LMF1: variants seen among roughly 807,000 people sequenced by gnomAD.
LMF1 encodes the protein transmembrane protein 112.
A neutral mutation model predicts 60.6 loss-of-function variants in LMF1; 68 were observed. The observed-to-expected ratio is 1.12, with a 90% CI of 0.92 to 1.37. LMF1 has a LOEUF of 1.37. Among genes scored for constraint, LMF1 ranks in the 40% most tolerant of loss-of-function variants. The pLI is 0.00. For synonymous variants in LMF1, 418 were observed against 324.7 expected (o/e 1.29, Z -3.09); for missense variants, 948 against 767.2 (o/e 1.24, Z -2.78).
At position 953,964 on chromosome 16, in the gene LMF1, GCCTCCTACATGTCCACACA is replaced by G. The variant is rs2072582374; in HGVS notation, c.503+374_503+392del. On this transcript the variant is annotated intron_variant, in intron 2 of 10. Coordinates refer to ENST00000262301, the MANE Select transcript of LMF1 (RefSeq NM_022773.4). ...CCACACAGACACCCACCCCAAACCA[GCCTCCTACATGTCCACACA>G]GACACCCCAAACCAGCCTCCTACAC... Among the ~76,000 whole-genome samples the G allele has an allele frequency of 5.6e-5, 3 of 53,890 alleles. 1 individual carries two copies. The highest frequency in any genetic ancestry group is 1.4e-3 in the East Asian group (1 of 722). 35.4% of individuals were successfully genotyped at this position (53,890 alleles called of 152,430 possible).
At chr16:939,138 A>G (rs533436125) in intron 2 of LMF1, among the ~76,000 whole-genome samples, 1 of 152,368 alleles carries the variant, frequency 6.6e-6, no homozygotes, top group Non-Finnish European at 1.5e-5. Context: ...AGCAAAACCA[A>G]GAAAAATAAC....
chr16:970,855 G>C lies in LMF1; in HGVS notation c.126C>G (p.Ala42=), dbSNP rs977889859. The C allele has an allele frequency of 6.4e-7, 1 of 1,558,308 alleles. No homozygotes were observed. The highest frequency in any genetic ancestry group is 8.7e-7 in the Non-Finnish European group (1 of 1,153,272). Residue 42 remains alanine (A), a synonymous_variant, in exon 1 of 11, where the codon GCC becomes GCG. Transcript: ENST00000262301. ...APGRGPAGSP[A]HLHTGTFWLT... is the part of the protein sequence containing the mutation. ...GCCAGAAGGTGCCCGTGTGGAGATG[G>C]GCCGGAGAGCCTGCGGGGCCACGCC...
At chr16:979,407 C>G (rs1037872466) in intron 1 of LMF1, 1 of 352,726 alleles carries the variant, frequency 2.8e-6, no homozygotes, top group Non-Finnish European at 5.6e-6. Context: ...CTCCCCACCT[C>G]CCCACCCCTC....
chr16:859,098 G>A (rs1422539101), intron 10 of LMF1, among the ~76,000 whole-genome samples: 1 of 128,928 alleles, frequency 7.8e-6, no homozygotes, highest in Admixed American at 7.5e-5. Flanking sequence ...GTCTCGGGAC[G>A]GGTGTGCAGT....
upstream of LMF1, among the ~76,000 whole-genome samples, chr16:974,478 A>G (rs117179754): frequency 2.3e-3 from 353 of 152,280 alleles, 12 homozygotes; most frequent in East Asian, 0.056. Context: ...AGGCTCGGCC[A>G]CCCCAGGGCT....
chr16:875,105 G>C (rs1204570483), intron 6 of LMF1, among the ~76,000 whole-genome samples: 1 of 152,136 alleles, frequency 6.6e-6, no homozygotes, highest in Non-Finnish European at 1.5e-5. Flanking sequence ...TGTGGGGCTG[G>C]AGAGGATGAC....
At chr16:910,538 T>C (rs139591482) in intron 4 of LMF1, among the ~76,000 whole-genome samples, 3 of 152,226 alleles carry the variant, frequency 2.0e-5, no homozygotes, top group Non-Finnish European at 4.4e-5. Context: ...GCGCCCACCA[T>C]GGCCTGAGAC....
chr16:949,352 CAG>C (rs2072367012), intron 2 of LMF1, among the ~76,000 whole-genome samples: 1 of 147,318 alleles, frequency 6.8e-6, no homozygotes, highest in Non-Finnish European at 1.5e-5. Context: ...ACGACAGAGT[CAG>C]AGACAATGAC....
At chr16:943,876 A>T (rs889873226) in intron 2 of LMF1, among the ~76,000 whole-genome samples, 1 of 151,240 alleles carries the variant, frequency 6.6e-6, no homozygotes, top group Non-Finnish European at 1.5e-5. Flanking sequence ...CTGTATAGGG[A>T]TCCTATTTTC....
intron 1 of LMF1, chr16:968,764 T>A (rs1277418847): frequency 6.6e-6 from 1 of 152,230 alleles, no homozygotes; most frequent in African/African-American, 2.4e-5. Flanking sequence ...TTAAAAGCAG[T>A]TCCTTCTGAA....
chr16:940,297 AT>A (rs2072065496), intron 2 of LMF1, among the ~76,000 whole-genome samples: 1 of 152,188 alleles, frequency 6.6e-6, no homozygotes, highest in African/African-American at 2.4e-5. Context: ...GGTCACGGTC[AT>A]GGCTGCAGAA....
At chr16:906,704 C>T (rs1297708070) in intron 4 of LMF1, among the ~76,000 whole-genome samples, 1 of 152,220 alleles carries the variant, frequency 6.6e-6, no homozygotes, top group East Asian at 1.9e-4. Context: ...TCATTACGAT[C>T]ATTTTTCAGT....
rs762154063 is a variant in LMF1 at position 854,649 on chromosome 16, G to C, written c.1587C>G (p.Ala529=). Residue 529 remains alanine, a synonymous_variant, in exon 11 of 11, where the codon GCC becomes GCG. Coordinates refer to ENST00000262301, the MANE Select transcript of LMF1 (RefSeq NM_022773.4). The part of the protein sequence containing the change: ...YKFSRPGGRH[A]AEGKWWVRKR... ...TCCGCACCCACCACTTGCCCTCGGC[G>C]GCGTGCCTGCCCCCAGGACGGCTGA... 6.2e-7 allele frequency: 1 copy of C among 1,605,996 alleles called. No individual in the cohort carries two copies. The highest frequency in any genetic ancestry group is 1.3e-5 in the African/African-American group (1 of 74,960).
At chr16:884,253 C>T (rs1165945783) in intron 5 of LMF1, 4 of 152,124 alleles carry the variant, frequency 2.6e-5, no homozygotes, top group Non-Finnish European at 5.9e-5. Context: ...GTATTTGAAG[C>T]GGATCTCTTA....
At chr16:978,120 TACAC>T (rs376457171) in intron 1 of LMF1, among the ~76,000 whole-genome samples, 12,943 of 115,970 alleles carry the variant, frequency 0.11, 766 homozygotes, top group African/African-American at 0.17. Context: ...CCACACACCA[TACAC>T]ACACCACACC....
At chr16:913,322 A>T (rs2071174700) in intron 3 of LMF1, among the ~76,000 whole-genome samples, 1 of 152,194 alleles carries the variant, frequency 6.6e-6, no homozygotes. Flanking sequence ...TCTTGTGGGG[A>T]ACATTCACTT....
intron 3 of LMF1, among the ~76,000 whole-genome samples, chr16:914,239 G>C (rs2071205206): frequency 6.6e-6 from 1 of 152,048 alleles, no homozygotes; most frequent in African/African-American, 2.4e-5. Context: ...TGGGAGGGGA[G>C]CAAACGTCTC....
intron 2 of LMF1, among the ~76,000 whole-genome samples, chr16:940,585 C>A (rs1486588570): frequency 6.6e-6 from 1 of 152,178 alleles, no homozygotes; most frequent in Non-Finnish European, 1.5e-5. Flanking sequence ...CCAGAAGAGA[C>A]CAGACAACTA....
At chr16:957,856 C>T (rs1003950057) in intron 1 of LMF1, among the ~76,000 whole-genome samples, 1 of 151,996 alleles carries the variant, frequency 6.6e-6, no homozygotes, top group Non-Finnish European at 1.5e-5. Flanking sequence ...CAAAGAGCAG[C>T]CTTGGGCCGG....
Sources: gnomAD v4.1 joint callset for allele counts (sites outside exome capture counted in the v4.1 genomes callset) on GRCh38, gnomAD v4.1.1 for gene constraint, MANE v1.5 for transcripts, NCBI Gene and HGNC (gene_info 2026-07-23, HGNC 2026-07-21) for gene names.